Variants in NCKAP1 observed in about 807,000 individuals in gnomAD.
NCKAP1 encodes the protein NCK associated protein 1, also known as nck-associated protein 1.
NCKAP1 carries 21 observed loss-of-function variants against 151.2 expected under a neutral mutation model. That is an observed-to-expected ratio of 0.14 (90% CI 0.10 to 0.20). The LOEUF is 0.20. Among genes scored for constraint, NCKAP1 ranks in the 10% least tolerant of loss-of-function variants. The pLI is 1.00. For synonymous variants in NCKAP1, 484 were observed against 451.8 expected (o/e 1.07, Z -0.90); for missense variants, 933 against 1,352.1 (o/e 0.69, Z 4.86).
In NCKAP1 at chr2:182,921,059, G is replaced by C. The variant is rs1050175055; in HGVS notation, c.*4643C>G. The C allele has an allele frequency of 6.6e-6, 1 of 152,076 alleles. No individual in the cohort carries two copies. The highest frequency in any genetic ancestry group is 1.5e-5 in the Non-Finnish European group (1 of 67,996). The allele number at this position is 152,076 out of a possible 1,614,324, so 9.4% of individuals were successfully genotyped here. ...AAAATCTTCAAATCCCAGAGTTGAA[G>C]AAAACACTTTTAGTCAGTTACTAAT... is the stretch of plus-strand genomic sequence containing the variant. On this transcript the variant is annotated 3_prime_UTR_variant, in exon 31 of 31. Coordinates refer to ENST00000361354, the MANE Select transcript of NCKAP1 (RefSeq NM_013436.5).
At chr2:182,936,410 C>T (rs564609939) in intron 24 of NCKAP1, among the ~76,000 whole-genome samples, 1 of 152,178 alleles carries the variant, frequency 6.6e-6, no homozygotes, top group South Asian at 2.1e-4. Context: ...AGAATAATGA[C>T]CTAGACCTCG....
At chr2:182,968,776 A>T (rs897007498) in intron 15 of NCKAP1, among the ~76,000 whole-genome samples, 3 of 152,200 alleles carry the variant, frequency 2.0e-5, no homozygotes, top group African/African-American at 7.2e-5. Context: ...CAGGAGCTCC[A>T]TATCTTCTTG....
At chr2:182,956,353 T>A (rs1289975165) in intron 20 of NCKAP1, 109 bp downstream of exon 20, 1 of 1,397,232 alleles carries the variant, frequency 7.2e-7, no homozygotes, top group East Asian at 2.4e-5. Context: ...TTCATTATTC[T>A]TAACACTAAT....
At chr2:183,016,082 G>C (rs886108619) in intron 2 of NCKAP1, among the ~76,000 whole-genome samples, 32 of 152,100 alleles carry the variant, frequency 2.1e-4, no homozygotes, top group Middle Eastern at 3.2e-3. Context: ...ATTTGTTATA[G>C]TTCTAGCAGT....
rs4545966 is a variant in NCKAP1, at chr2:182,917,387, G to A, written c.*8315C>T. The A allele has an allele frequency of 0.99, 151,526 of 152,290 alleles. 75,386 individuals are homozygous for A. The highest frequency in any genetic ancestry group is 1 in the Middle Eastern group (294 of 294). The allele number at this position is 152,290 out of a possible 1,614,324, so 9.4% of individuals were successfully genotyped here. On this transcript the variant is annotated 3_prime_UTR_variant, in exon 31 of 31. Transcript: ENST00000361354. The stretch of plus-strand genomic sequence containing the variant: ...CATATATGCGGCAACACAGCACAGT[G>A]GAAGGAACACTATATGAGCACATCG...
At chr2:182,988,982 A>C in intron 9 of NCKAP1, 48 bp downstream of exon 9, 1 of 1,534,906 alleles carries the variant, frequency 6.5e-7, no homozygotes, top group Non-Finnish European at 8.9e-7. Context: ...AAGATAACTC[A>C]CTCACCACCC....
chr2:182,982,227 G>A (rs1697954961), intron 12 of NCKAP1, among the ~76,000 whole-genome samples: 1 of 152,046 alleles, frequency 6.6e-6, no homozygotes, highest in Non-Finnish European at 1.5e-5. Flanking sequence ...TCACCACAAA[G>A]CATACTACGA....
intron 24 of NCKAP1, 144 bp from the exon 25 acceptor site, chr2:182,935,519 T>C (rs1180502417): frequency 9.6e-6 from 5 of 521,676 alleles, no homozygotes; most frequent in Non-Finnish European, 1.6e-5. Flanking sequence ...ATTACAATAA[T>C]GATTAAAGAG....
chr2:183,033,312 C>G (rs1245817834), intron 1 of NCKAP1, among the ~76,000 whole-genome samples: 1 of 152,128 alleles, frequency 6.6e-6, no homozygotes, highest in African/African-American at 2.4e-5. Flanking sequence ...AATAAAAACT[C>G]TGCAATCTGA....
At chr2:183,035,876 C>T (rs1464441593) in intron 1 of NCKAP1, among the ~76,000 whole-genome samples, 1 of 151,610 alleles carries the variant, frequency 6.6e-6, no homozygotes, top group Non-Finnish European at 1.5e-5. Context: ...CTGAAGGCCT[C>T]GAGTATCAGA....
intron 19 of NCKAP1, 94 bp from the exon 20 acceptor site, chr2:182,956,687 A>G: frequency 7.7e-7 from 1 of 1,307,134 alleles, no homozygotes; most frequent in Non-Finnish European, 1.0e-6. Flanking sequence ...TTTGGAGATA[A>G]TGCTTAGAGA....
chr2:183,033,055 A>C (rs1336944635), intron 1 of NCKAP1, among the ~76,000 whole-genome samples: 1 of 152,198 alleles, frequency 6.6e-6, no homozygotes, highest in Non-Finnish European at 1.5e-5. Flanking sequence ...TCTCCAAAAA[A>C]AGAGAAGAAA....
At position 182,912,849 on chromosome 2, in the gene NCKAP1, A is replaced by AAGGAAGGAAGGAAGGAAGGAAGGAAGG. The variant is rs1553507195; in HGVS notation, c.*12852_*12853insCCTTCCTTCCTTCCTTCCTTCCTTCCT. On this transcript the variant is annotated 3_prime_UTR_variant, in exon 31 of 31. Coordinates refer to ENST00000361354, the MANE Select transcript of NCKAP1 (RefSeq NM_013436.5). Reference sequence around the variant, plus strand: ...CAAAACCAAAGAAAGATAGAGGAAGAAAGGAAGGAAGGAAGGAAGGAAGGA... The same window carrying AAGGAAGGAAGGAAGGAAGGAAGGAAGG: ...CAAAACCAAAGAAAGATAGAGGAAGAAGGAAGGAAGGAAGGAAGGAAGGAAGGAAGGAAGGAAGGAAGGAAGGAAGGA... The AAGGAAGGAAGGAAGGAAGGAAGGAAGG allele has an allele frequency of 6.5e-4, 87 of 133,364 alleles. No individual in the cohort carries two copies. Among genetic ancestry groups the AAGGAAGGAAGGAAGGAAGGAAGGAAGG allele is most frequent in the Non-Finnish European group, 1.3e-3 (78 of 62,078 alleles). 8.3% of individuals were successfully genotyped at this position (133,364 alleles called of 1,614,324 possible).
In NCKAP1 at chr2:182,919,603, A is replaced by G. The variant is rs2105790039; in HGVS notation, c.*6099T>C. ...TTATACATTGAATGCTATCAGTTCA[A>G]GGGTGAATATGCCTTCAGAATGCAA... On this transcript the variant is annotated 3_prime_UTR_variant, in exon 31 of 31. Coordinates refer to ENST00000361354, the MANE Select transcript of NCKAP1 (RefSeq NM_013436.5). 6.6e-6 allele frequency: 1 copy of G among 152,040 alleles called. No homozygotes were observed. Among genetic ancestry groups the G allele is most frequent in the South Asian group, 2.1e-4 (1 of 4,804 alleles). 9.4% of individuals were successfully genotyped at this position (152,040 alleles called of 1,614,324 possible).
chr2:182,966,165 A>G (rs193278686), intron 16 of NCKAP1, among the ~76,000 whole-genome samples: 1 of 152,266 alleles, frequency 6.6e-6, no homozygotes, highest in Admixed American at 6.5e-5. Flanking sequence ...AAATCAAGAG[A>G]CATACTAGGT....
chr2:183,000,932 A>C (rs991063004), intron 6 of NCKAP1, among the ~76,000 whole-genome samples: 1 of 152,118 alleles, frequency 6.6e-6, no homozygotes, highest in Non-Finnish European at 1.5e-5. Context: ...GTCACTACTA[A>C]AAATACAAAA....
chr2:182,932,694 A>G (rs931782111), intron 26 of NCKAP1, among the ~76,000 whole-genome samples: 3 of 152,014 alleles, frequency 2.0e-5, no homozygotes, highest in Non-Finnish European at 4.4e-5. Flanking sequence ...AGTTCTATTG[A>G]AAGTTTGCTG....
intron 24 of NCKAP1, among the ~76,000 whole-genome samples, chr2:182,936,968 A>T (rs1696887465): frequency 1.3e-5 from 2 of 152,028 alleles, no homozygotes. Context: ...TACAAAAATT[A>T]GCCAAGCCTG....
intron 13 of NCKAP1, among the ~76,000 whole-genome samples, chr2:182,980,263 T>C (rs541080304): frequency 3.2e-4 from 49 of 152,086 alleles, no homozygotes; most frequent in African/African-American, 1.1e-3. Context: ...AAATAAACTA[T>C]AGAGTTTAGA....
Sources: allele counts gnomAD v4.1 joint callset (sites outside exome capture counted in the v4.1 genomes callset), GRCh38; gene constraint gnomAD v4.1.1; transcripts MANE v1.5; gene names NCBI Gene and HGNC (gene_info 2026-07-23, HGNC 2026-07-21).